The following GALNTL6 variants were observed in gnomAD, a reference collection of about 807,000 sequenced individuals.
GALNTL6 encodes polypeptide N-acetylgalactosaminyltransferase like 6, also known as polypeptide N-acetylgalactosaminyltransferase-like 6.
A neutral mutation model predicts 73.7 loss-of-function variants in GALNTL6; 46 were observed. That is an observed-to-expected ratio of 0.62 (90% CI 0.49 to 0.80). GALNTL6 has a LOEUF of 0.80. GALNTL6 is among the 30% of genes least tolerant of loss of function. The probability of loss-of-function intolerance (pLI) is 0.00; values close to 1 mark genes in which losing one functional copy is unlikely to be tolerated. For synonymous variants in GALNTL6, 259 were observed against 263.7 expected (o/e 0.98, Z 0.17); for missense variants, 604 against 755.0 (o/e 0.80, Z 2.34).
At chr4:172,953,192 A>G (rs1162126045) in intron 10 of GALNTL6, among the ~76,000 whole-genome samples, 4 of 152,214 alleles carry the variant, frequency 2.6e-5, no homozygotes, top group African/African-American at 9.7e-5. Context: ...CAGGTCCCAA[A>G]TTTAAAATAT....
intron 2 of GALNTL6, among the ~76,000 whole-genome samples, chr4:172,203,317 T>C (rs1030107592): frequency 6.6e-6 from 1 of 152,184 alleles, no homozygotes; most frequent in Non-Finnish European, 1.5e-5. Flanking sequence ...GGGAAGAATA[T>C]GTAAGCTTTG....
chr4:172,282,870 T>C (rs1283335865), intron 3 of GALNTL6, among the ~76,000 whole-genome samples: 1 of 152,142 alleles, frequency 6.6e-6, no homozygotes, highest in African/African-American at 2.4e-5. Context: ...GAAAGGAAGA[T>C]GTTTCCTAAT....
At chr4:172,668,591 C>A (rs1171233703) in intron 5 of GALNTL6, 1 of 152,122 alleles carries the variant, frequency 6.6e-6, no homozygotes, top group Admixed American at 6.6e-5. Context: ...GAAAAGAGAG[C>A]ATTTCTCTCC....
At chr4:172,325,230 C>G (rs1740902204) in intron 4 of GALNTL6, among the ~76,000 whole-genome samples, 1 of 151,766 alleles carries the variant, frequency 6.6e-6, no homozygotes, top group Non-Finnish European at 1.5e-5. Flanking sequence ...ATATTTGACA[C>G]TTAGATAAAA....
At chr4:172,520,315 A>G (rs998435217) in intron 5 of GALNTL6, among the ~76,000 whole-genome samples, 2 of 151,924 alleles carry the variant, frequency 1.3e-5, no homozygotes, top group East Asian at 3.9e-4. Context: ...AAATAATTGT[A>G]ATGTACAAAG....
In GALNTL6 at chr4:172,764,516, T is replaced by C. The variant is rs184568968; in HGVS notation, c.554-44845T>C. ...ACTTTAAAATTAAATATAAGAATGA[T>C]GAAATAAATATGACATAACCTAATA... On this transcript the variant is annotated intron_variant, in intron 5 of 12. Coordinates refer to ENST00000506823, the MANE Select transcript of GALNTL6 (RefSeq NM_001034845.3). Among the ~76,000 whole-genome samples, 716 of 152,014 alleles carry C rather than the reference T, an allele frequency of 4.7e-3. 7 individuals are homozygous for C. The highest frequency in any genetic ancestry group is 0.016 in the African/African-American group (668 of 41,538).
At position 171,923,839 on chromosome 4, in the gene GALNTL6, C is replaced by T. The variant is rs1453755404; in HGVS notation, c.138+109121C>T. Among the ~76,000 whole-genome samples the T allele has an allele frequency of 2.0e-4, 21 of 102,610 alleles. 1 individual carries two copies. Among genetic ancestry groups the T allele is most frequent in the Admixed American group, 1.9e-3 (20 of 10,738 alleles). The allele number at this position is 102,610 out of a possible 152,430, so 67.3% of individuals were successfully genotyped here. A position where few individuals can be genotyped will look rare whatever the true frequency, so the allele number is the denominator to read the frequency against. On this transcript the variant is annotated intron_variant, in intron 2 of 12. Coordinates refer to ENST00000506823, the MANE Select transcript of GALNTL6 (RefSeq NM_001034845.3). ...GTGTGTGTGTGTGTTTGAAGTTCTTCTTGCTCTTGTTTTTATAAAATTTTC... is the reference window on the plus strand; with the variant it reads ...GTGTGTGTGTGTGTTTGAAGTTCTTTTTGCTCTTGTTTTTATAAAATTTTC...
intron 2 of GALNTL6, among the ~76,000 whole-genome samples, chr4:172,030,579 G>T (rs932686708): frequency 9.9e-5 from 15 of 151,744 alleles, no homozygotes; most frequent in Non-Finnish European, 2.2e-4. Flanking sequence ...GTGTGGTGGT[G>T]CACATCTGTA....
intron 5 of GALNTL6, among the ~76,000 whole-genome samples, chr4:172,608,728 G>A (rs561582747): frequency 5.9e-5 from 9 of 152,066 alleles, no homozygotes; most frequent in African/African-American, 1.9e-4. Flanking sequence ...ATTGCTTTGG[G>A]CCTTGAGGCC....
intron 2 of GALNTL6, among the ~76,000 whole-genome samples, chr4:171,858,419 G>A (rs1363258247): frequency 6.7e-6 from 1 of 150,108 alleles, no homozygotes; most frequent in Non-Finnish European, 1.5e-5. Context: ...CTCAGCAAGG[G>A]GAAGAAATGG....
intron 2 of GALNTL6, among the ~76,000 whole-genome samples, chr4:172,036,559 G>A (rs1741934812): frequency 6.6e-6 from 1 of 152,120 alleles, no homozygotes; most frequent in Non-Finnish European, 1.5e-5. Flanking sequence ...GTACATGCCA[G>A]TAACTCTTTT....
At chr4:171,918,062 T>C (rs189815728) in intron 2 of GALNTL6, among the ~76,000 whole-genome samples, 204 of 152,242 alleles carry the variant, frequency 1.3e-3, no homozygotes, top group Middle Eastern at 3.4e-3. Context: ...ACAGTACTCA[T>C]TGCCTGGGAT....
At chr4:173,028,362 G>T (rs950801332) in intron 12 of GALNTL6, among the ~76,000 whole-genome samples, 5 of 152,124 alleles carry the variant, frequency 3.3e-5, no homozygotes, top group African/African-American at 1.2e-4. Context: ...TCTTTGAAAG[G>T]TCCCGAGAGA....
intron 5 of GALNTL6, among the ~76,000 whole-genome samples, chr4:172,790,573 G>C (rs1001213628): frequency 2.0e-5 from 3 of 152,156 alleles, no homozygotes; most frequent in African/African-American, 7.2e-5. Context: ...TAAGCACCCA[G>C]TATGTAGTAT....
intron 5 of GALNTL6, among the ~76,000 whole-genome samples, chr4:172,454,124 G>A (rs1487597470): frequency 6.6e-6 from 1 of 152,024 alleles, no homozygotes; most frequent in African/African-American, 2.4e-5. Context: ...AAGCCCAATG[G>A]AATGAATCCC....
At chr4:172,579,037 A>G (rs1352178437) in intron 5 of GALNTL6, among the ~76,000 whole-genome samples, 2 of 152,166 alleles carry the variant, frequency 1.3e-5, no homozygotes, top group African/African-American at 4.8e-5. Flanking sequence ...TGACAATCTG[A>G]TTTTGTGAAA....
At chr4:171,967,963 T>C (rs1739437996) in intron 2 of GALNTL6, among the ~76,000 whole-genome samples, 1 of 152,166 alleles carries the variant, frequency 6.6e-6, no homozygotes, top group African/African-American at 2.4e-5. Context: ...CATACCCTAG[T>C]TGTGAGAACA....
At chr4:172,036,757 ACCC>A (rs1741939743) in intron 2 of GALNTL6, among the ~76,000 whole-genome samples, 7 of 152,102 alleles carry the variant, frequency 4.6e-5, no homozygotes, top group Non-Finnish European at 1.0e-4. Flanking sequence ...TACATTGAGA[ACCC>A]AGTTGACGTT....
intron 2 of GALNTL6, among the ~76,000 whole-genome samples, chr4:171,857,741 C>T (rs1203410741): frequency 2.0e-4 from 31 of 152,164 alleles, no homozygotes; most frequent in Admixed American, 2.0e-3. Context: ...CAATATTACT[C>T]TGTTGGTAAT....
Sources: allele counts gnomAD v4.1 joint callset (sites outside exome capture counted in the v4.1 genomes callset), GRCh38; gene constraint gnomAD v4.1.1; transcripts MANE v1.5; gene names NCBI Gene and HGNC (gene_info 2026-07-23, HGNC 2026-07-21).